Variants in GATAD2B observed in about 807,000 individuals in gnomAD.
The protein encoded by GATAD2B is transcriptional repressor p66-beta.
Under a neutral mutation model 64.3 loss-of-function variants are expected in GATAD2B, and 8 were observed. That is an observed-to-expected ratio of 0.12 (90% CI 0.07 to 0.22). GATAD2B has a LOEUF of 0.22. Among genes scored for constraint, GATAD2B ranks in the 10% least tolerant of loss-of-function variants. GATAD2B has a pLI of 1.00. For synonymous variants in GATAD2B, 281 were observed against 271.3 expected, an observed-to-expected ratio of 1.04 and a Z score of -0.35; for missense variants, 453 against 752.0, an observed-to-expected ratio of 0.60 and a Z score of 4.65.
At chr1:153,813,795 G>A (rs1188458300) in intron 7 of GATAD2B, among the ~76,000 whole-genome samples, 3 of 152,120 alleles carry the variant, frequency 2.0e-5, no homozygotes, top group Non-Finnish European at 4.4e-5. Context: ...GACCAACATA[G>A]TGAAAACCCG....
chr1:153,884,459 G>A (rs181551408), intron 1 of GATAD2B, among the ~76,000 whole-genome samples: 76 of 149,788 alleles, frequency 5.1e-4, no homozygotes, highest in African/African-American at 1.5e-3. Context: ...AAAATTAGCC[G>A]GGCATGGTGG....
intron 1 of GATAD2B, among the ~76,000 whole-genome samples, chr1:153,908,785 A>G (rs1167732902): frequency 3.6e-5 from 5 of 139,320 alleles, no homozygotes; most frequent in Non-Finnish European, 1.5e-5. Context: ...ATACTTGGAA[A>G]AAAAAAAAAA....
At chr1:153,814,660 G>A (rs1357457522) in intron 7 of GATAD2B, among the ~76,000 whole-genome samples, 1 of 152,056 alleles carries the variant, frequency 6.6e-6, no homozygotes, top group African/African-American at 2.4e-5. Flanking sequence ...TGTAATTCCA[G>A]CTACTTTGGA....
Position 153,809,780 on chromosome 1 carries a change from C to T in GATAD2B, c.*397G>A, listed in dbSNP as rs181380883. 169 of 155,056 alleles carry T rather than the reference C, an allele frequency of 1.1e-3. No homozygotes were observed. The highest frequency in any genetic ancestry group is 1.5e-3 in the Non-Finnish European group (107 of 70,570). The allele number at this position is 155,056 out of a possible 1,614,324, so 9.6% of individuals were successfully genotyped here. Reference sequence around the variant, plus strand: ...TTGGTTGAGTGGGGGAAGGTTTAACCGTCCACTGAACAAAGGGAGGACACA... The same window carrying T: ...TTGGTTGAGTGGGGGAAGGTTTAACTGTCCACTGAACAAAGGGAGGACACA... On this transcript the variant is annotated 3_prime_UTR_variant, in exon 11 of 11. Transcript: ENST00000368655.
intron 1 of GATAD2B, among the ~76,000 whole-genome samples, chr1:153,908,807 G>C (rs139511404): frequency 0.011 from 1,525 of 141,598 alleles, 18 homozygotes; most frequent in Middle Eastern, 0.08. Flanking sequence ...AAAAAAGAAA[G>C]AAAGAAAGAA....
chr1:153,822,703 T>C (rs956406432), intron 2 of GATAD2B, among the ~76,000 whole-genome samples: 6 of 152,162 alleles, frequency 3.9e-5, no homozygotes, highest in Non-Finnish European at 5.9e-5. Context: ...TTCACTATGT[T>C]GGCCAGACTG....
At position 153,864,508 on chromosome 1, in the gene GATAD2B, T is replaced by C. The variant is rs1183629793; in HGVS notation, c.-1-36160A>G. On this transcript the variant is annotated intron_variant, in intron 1 of 10. Coordinates refer to ENST00000368655, the MANE Select transcript of GATAD2B (RefSeq NM_020699.4). ...GGCGCATGCCTATAGTCCCAGCTAC[T>C]TGGAATGCTGAGACAGGAGGATCAA... Among the ~76,000 whole-genome samples the C allele has an allele frequency of 2.6e-5, 4 of 152,272 alleles. No homozygotes were observed. In the South Asian group the frequency reaches 6.2e-4, roughly 24 times the overall value.
At chr1:153,826,940 TA>T (rs35916476) in intron 2 of GATAD2B, among the ~76,000 whole-genome samples, 18,872 of 137,212 alleles carry the variant, frequency 0.14, 2,040 homozygotes, top group African/African-American at 0.3. Flanking sequence ...GACCCTATCT[TA>T]AAAAAAAAAA....
At chr1:153,823,715 T>C (rs994453156) in intron 2 of GATAD2B, among the ~76,000 whole-genome samples, 24 of 143,126 alleles carry the variant, frequency 1.7e-4, no homozygotes, top group Non-Finnish European at 2.9e-4. Context: ...TCGGTTTTGC[T>C]TTTTTTTTTT....
chr1:153,812,549 A>G (rs991207119), intron 8 of GATAD2B, among the ~76,000 whole-genome samples: 1 of 152,170 alleles, frequency 6.6e-6, no homozygotes, highest in Non-Finnish European at 1.5e-5. Flanking sequence ...ACCAACTGAT[A>G]TAATTAAGGC....
chr1:153,812,486 C>G (rs1021664946), intron 8 of GATAD2B, among the ~76,000 whole-genome samples: 1 of 152,126 alleles, frequency 6.6e-6, no homozygotes, highest in African/African-American at 2.4e-5. Flanking sequence ...TCAAGGGATC[C>G]TCCTCTCTTT....
intron 1 of GATAD2B, among the ~76,000 whole-genome samples, chr1:153,859,679 T>TAA (rs1188453796): frequency 1.7e-5 from 2 of 114,448 alleles, no homozygotes; most frequent in African/African-American, 3.5e-5. Flanking sequence ...CAAAAAAAAA[T>TAA]AATAAAAAAA....
chr1:153,879,132 G>T (rs1023608931), intron 1 of GATAD2B, among the ~76,000 whole-genome samples: 1 of 152,068 alleles, frequency 6.6e-6, no homozygotes, highest in African/African-American at 2.4e-5. Flanking sequence ...GTAAAGACAG[G>T]GTTTCACTGT....
At chr1:153,828,434 C>G (rs1332026745) in intron 1 of GATAD2B, 86 bp from the exon 2 acceptor site, 2 of 811,266 alleles carry the variant, frequency 2.5e-6, no homozygotes, top group South Asian at 1.7e-5. Context: ...AAGTTATTAA[C>G]AAGAATCTCT....
intron 1 of GATAD2B, among the ~76,000 whole-genome samples, chr1:153,859,952 C>T (rs1676224531): frequency 9.3e-6 from 1 of 108,100 alleles, no homozygotes; most frequent in Non-Finnish European, 1.7e-5. Flanking sequence ...GAGCCTTGCT[C>T]TGTTGCCCAG....
chr1:153,919,170 G>C (rs923938099), intron 1 of GATAD2B, among the ~76,000 whole-genome samples: 22 of 152,134 alleles, frequency 1.4e-4, no homozygotes, highest in Non-Finnish European at 2.6e-4. Context: ...CAAAAGTAAC[G>C]AATGATGTGT....
rs1032516258 is a variant in GATAD2B at position 153,891,765 on chromosome 1, C to T, written c.-2+30968G>A. Among the ~76,000 whole-genome samples the T allele has an allele frequency of 1.6e-4, 24 of 151,298 alleles. 1 individual carries two copies. The highest frequency in any genetic ancestry group is 2.9e-5 in the Non-Finnish European group (2 of 67,856). The stretch of plus-strand genomic sequence containing the variant: ...CTTTTTCCAATTGTAAATTCTGTAC[C>T]ATGTGCATATATCACCTATCCAAAA... On this transcript the variant is annotated intron_variant, in intron 1 of 10. Transcript: ENST00000368655.
intron 1 of GATAD2B, among the ~76,000 whole-genome samples, chr1:153,863,089 A>G (rs1200480764): frequency 1.3e-5 from 2 of 152,128 alleles, no homozygotes; most frequent in Non-Finnish European, 2.9e-5. Flanking sequence ...ATGACATTAA[A>G]TTTATTTGGG....
chr1:153,860,025 C>T (rs1278126189), intron 1 of GATAD2B, among the ~76,000 whole-genome samples: 1 of 147,464 alleles, frequency 6.8e-6, no homozygotes, highest in African/African-American at 2.5e-5. Flanking sequence ...AAGCGATTCT[C>T]CTGCCTCAGT....
Sources: gnomAD v4.1 joint callset for allele counts (sites outside exome capture counted in the v4.1 genomes callset) on GRCh38, gnomAD v4.1.1 for gene constraint, MANE v1.5 for transcripts, NCBI Gene and HGNC (gene_info 2026-07-23, HGNC 2026-07-21) for gene names.